The following OR1J2 variants were observed in gnomAD, a reference collection of about 807,000 sequenced individuals.
OR1J2 encodes the protein olfactory receptor family 1 subfamily J member 2.
For synonymous variants in OR1J2, 142 were observed against 99.7 expected, an observed-to-expected ratio of 1.42 and a Z score of -2.52; for missense variants, 304 against 246.1, an observed-to-expected ratio of 1.24 and a Z score of -1.57.
the OR1J2 span, chr9:122,519,501 G>A: frequency 6.4e-4 from 1,026 of 1,613,916 alleles, 3 homozygotes; most frequent in South Asian, 1.4e-3. Context: ...AATGGCATAC[G>A]ATCGGTATGT....
At chr9:122,488,975 G>A in the OR1J2 span, among the ~76,000 whole-genome samples, 3 of 151,932 alleles carry the variant, frequency 2.0e-5, no homozygotes, top group Admixed American at 1.3e-4. Context: ...TCTACATTAG[G>A]TATTTCTCTT....
At chr9:122,554,099 G>A in the OR1J2 span, 1 of 1,613,680 alleles carries the variant, frequency 6.2e-7, no homozygotes, top group Non-Finnish European at 8.5e-7. Flanking sequence ...ATAGCTTGAG[G>A]AACAGAGACA....
chr9:122,519,305 T>G, the OR1J2 span: 13 of 1,613,950 alleles, frequency 8.1e-6, no homozygotes, highest in Middle Eastern at 5.0e-4. Context: ...ACTCTCACCT[T>G]CACACCCCCA....
At chr9:122,458,280 G>A in the OR1J2 span, among the ~76,000 whole-genome samples, 1 of 152,046 alleles carries the variant, frequency 6.6e-6, no homozygotes, top group Non-Finnish European at 1.5e-5. Context: ...AAAGGAATTT[G>A]TTTTTCTTTT....
the OR1J2 span, chr9:122,567,691 G>T: frequency 6.2e-7 from 1 of 1,614,108 alleles, no homozygotes; most frequent in Non-Finnish European, 8.5e-7. Context: ...GTGGATGGGG[G>T]CTGTAAATAG....
chr9:122,556,420 T>C, the OR1J2 span, among the ~76,000 whole-genome samples: 1 of 152,118 alleles, frequency 6.6e-6, no homozygotes, highest in South Asian at 2.1e-4. Context: ...GGGCTCTTTA[T>C]TCTGTTATAT....
chr9:122,508,128 G>A (rs112857794), upstream of OR1J2, among the ~76,000 whole-genome samples: 1 of 144,348 alleles, frequency 6.9e-6, no homozygotes, highest in East Asian at 2.0e-4. Context: ...GTGAGGGGGG[G>A]AGAGAGAGAG....
chr9:122,501,072 AT>A, the OR1J2 span, among the ~76,000 whole-genome samples: 1 of 152,208 alleles, frequency 6.6e-6, no homozygotes, highest in Admixed American at 6.5e-5. Flanking sequence ...GCAGATTATT[AT>A]TTTTTAAAAA....
At chr9:122,466,717 C>T in the OR1J2 span, among the ~76,000 whole-genome samples, 1 of 152,192 alleles carries the variant, frequency 6.6e-6, no homozygotes, top group Non-Finnish European at 1.5e-5. Context: ...TCTCTTCTCC[C>T]ATCTGAGACC....
At chr9:122,509,990 C>T (rs527580185), upstream of OR1J2, among the ~76,000 whole-genome samples, 2 of 152,186 alleles carry the variant, frequency 1.3e-5, no homozygotes, top group East Asian at 3.9e-4. Context: ...ACACTGGGGC[C>T]TGTCGGGGGG....
chr9:122,519,692 A>T, the OR1J2 span: 1 of 1,613,880 alleles, frequency 6.2e-7, no homozygotes, highest in South Asian at 1.1e-5. Flanking sequence ...TTGTTGCCCT[A>T]CTCAAGCTCT....
the OR1J2 span, among the ~76,000 whole-genome samples, chr9:122,556,147 G>A: frequency 1.3e-5 from 2 of 152,104 alleles, no homozygotes; most frequent in African/African-American, 4.8e-5. Context: ...TTTTCAGATT[G>A]GCTTCTTTCA....
At chr9:122,520,197 C>T in the OR1J2 span, 6 of 650,052 alleles carry the variant, frequency 9.2e-6, no homozygotes, top group Middle Eastern at 4.2e-4. Flanking sequence ...ACTTGAATTG[C>T]ATCCTGTTAC....
the OR1J2 span, among the ~76,000 whole-genome samples, chr9:122,566,873 A>G: frequency 6.6e-6 from 1 of 152,196 alleles, no homozygotes; most frequent in South Asian, 2.1e-4. Context: ...CCCCTGTGTG[A>G]AATGGATAAT....
chr9:122,480,314 AAAGG>A, the OR1J2 span, among the ~76,000 whole-genome samples: 1 of 152,182 alleles, frequency 6.6e-6, no homozygotes, highest in Non-Finnish European at 1.5e-5. Flanking sequence ...AAAGTAGTAA[AAAGG>A]AAGAACTGTT....
At chr9:122,564,274 T>G in the OR1J2 span, among the ~76,000 whole-genome samples, 1 of 152,172 alleles carries the variant, frequency 6.6e-6, no homozygotes, top group South Asian at 2.1e-4. Flanking sequence ...TGTGGTTATT[T>G]CCTCAATTCT....
chr9:122,473,901 C>G, the OR1J2 span, among the ~76,000 whole-genome samples: 3 of 152,196 alleles, frequency 2.0e-5, no homozygotes, highest in Non-Finnish European at 4.4e-5. Flanking sequence ...ATTGGCTTCT[C>G]TTGCCAGGGT....
chr9:122,548,585 A>T, the OR1J2 span, among the ~76,000 whole-genome samples: 2 of 151,482 alleles, frequency 1.3e-5, no homozygotes, highest in African/African-American at 2.4e-5. Context: ...ATTTTTTAAA[A>T]TTTTTATATA....
At chr9:122,553,343 G>C in the OR1J2 span, 10 of 1,613,910 alleles carry the variant, frequency 6.2e-6, no homozygotes, top group Non-Finnish European at 8.5e-6. Context: ...CCATGGTGGG[G>C]AACCTGCTCA....
Sources: gnomAD v4.1 joint callset for allele counts (sites outside exome capture counted in the v4.1 genomes callset) on GRCh38, gnomAD v4.1.1 for gene constraint, MANE v1.5 for transcripts, NCBI Gene and HGNC (gene_info 2026-07-23, HGNC 2026-07-21) for gene names.